The following ADGRL4 variants were observed in gnomAD, a reference collection of about 807,000 sequenced individuals.
The protein encoded by ADGRL4 is adhesion G protein-coupled receptor L4, also known as EGF, latrophilin and seven transmembrane domain containing 1.
In ADGRL4, 90 loss-of-function variants were observed where a neutral mutation model predicts 74.8. The observed-to-expected ratio is 1.20, with a 90% CI of 1.02 to 1.43. ADGRL4 has a LOEUF of 1.43. ADGRL4 is among the 40% of genes most tolerant of loss of function. ADGRL4 has a pLI of 0.00. For missense variants in ADGRL4, 881 were observed against 814.3 expected, an observed-to-expected ratio of 1.08 and a Z score of -1.00; for synonymous variants, 311 against 279.2, an observed-to-expected ratio of 1.11 and a Z score of -1.14.
At chr1:78,929,795 A>T (rs998227938) in intron 7 of ADGRL4, among the ~76,000 whole-genome samples, 1 of 151,506 alleles carries the variant, frequency 6.6e-6, no homozygotes, top group East Asian at 1.9e-4. Context: ...GGATCATTAA[A>T]TATAACAAAG....
chr1:78,925,366 A>G (rs970557609), intron 8 of ADGRL4, among the ~76,000 whole-genome samples: 1 of 152,058 alleles, frequency 6.6e-6, no homozygotes, highest in African/African-American at 2.4e-5. Context: ...AAGTAAAAAA[A>G]CTTAGAATAC....
intron 1 of ADGRL4, 52 bp from the exon 2 acceptor site, chr1:79,005,271 C>T (rs1440031759): frequency 7.4e-7 from 1 of 1,359,824 alleles, no homozygotes; most frequent in East Asian, 2.5e-5. Context: ...AAACATCTCT[C>T]CCCATTGTTG....
rs555256647 is a variant in ADGRL4, at chr1:78,918,365, G to C, written c.1462-315C>G. ...ATTCTCATGTAAACCATGGTATCTT[G>C]GTGAATATGTTAGGATTTAAGTTGA... On this transcript the variant is annotated intron_variant, in intron 10 of 14. Coordinates refer to ENST00000370742, the MANE Select transcript of ADGRL4 (RefSeq NM_022159.4). Among the ~76,000 whole-genome samples, 3 of 151,864 alleles carry C rather than the reference G, an allele frequency of 2.0e-5. 1 individual carries two copies. Among genetic ancestry groups the C allele is most frequent in the Admixed American group, 6.6e-5 (1 of 15,208 alleles).
chr1:78,906,977 C>G (rs923761876), intron 12 of ADGRL4, among the ~76,000 whole-genome samples: 1 of 151,922 alleles, frequency 6.6e-6, no homozygotes, highest in Non-Finnish European at 1.5e-5. Flanking sequence ...ATCTCTGTAT[C>G]TGGAGTAGAT....
intron 2 of ADGRL4, among the ~76,000 whole-genome samples, chr1:78,993,818 C>T (rs1650662606): frequency 6.6e-6 from 1 of 152,120 alleles, no homozygotes; most frequent in African/African-American, 2.4e-5. Context: ...CGTGATCCGT[C>T]CGCCTTGGCC....
chr1:78,998,253 CTT>C (rs769714342), intron 2 of ADGRL4, among the ~76,000 whole-genome samples: 3 of 94,108 alleles, frequency 3.2e-5, no homozygotes, highest in Non-Finnish European at 4.3e-5. Flanking sequence ...GATTTCATTG[CTT>C]TTTTTTTTTT....
intron 12 of ADGRL4, among the ~76,000 whole-genome samples, chr1:78,898,187 T>C (rs532315998): frequency 6.6e-6 from 1 of 152,256 alleles, no homozygotes; most frequent in African/African-American, 2.4e-5. Flanking sequence ...GGTGATGACT[T>C]GGAGGAAAGA....
At chr1:78,905,975 C>G (rs185386696) in intron 12 of ADGRL4, among the ~76,000 whole-genome samples, 14 of 151,864 alleles carry the variant, frequency 9.2e-5, no homozygotes, top group Admixed American at 7.9e-4. Flanking sequence ...CTCAAATTAT[C>G]CAAATATAAT....
intron 2 of ADGRL4, among the ~76,000 whole-genome samples, chr1:78,947,677 G>C (rs750677031): frequency 6.6e-6 from 1 of 152,064 alleles, no homozygotes; most frequent in Non-Finnish European, 1.5e-5. Flanking sequence ...GAGAGAAAGA[G>C]AAGAAGAAAG....
At chr1:78,989,160 A>G (rs1397980134) in intron 2 of ADGRL4, among the ~76,000 whole-genome samples, 2 of 151,810 alleles carry the variant, frequency 1.3e-5, no homozygotes, top group African/African-American at 4.8e-5. Context: ...AGATATTAAT[A>G]TATTTGTTTC....
In ADGRL4 at chr1:78,937,977, G is replaced by A; in HGVS notation, c.590C>T (p.Thr197Ile). The change falls in exon 6 of 15, where the codon ACC becomes ATC. Residue 197 changes from threonine to isoleucine, a missense_variant. Coordinates refer to ENST00000370742, the MANE Select transcript of ADGRL4 (RefSeq NM_022159.4). ...ATCCCTTTGAACAAAATTATTCACGGTTTTTACAAATTCCTATTGAAAAAA... is the reference window on the plus strand; with the variant it reads ...ATCCCTTTGAACAAAATTATTCACGATTTTTACAAATTCCTATTGAAAAAA... ...SNSTLTEFVK[T>I]VNNFVQRDTF... 6.2e-7 allele frequency: 1 copy of A among 1,609,606 alleles called. No individual in the cohort carries two copies. The highest frequency in any genetic ancestry group is 8.5e-7 in the Non-Finnish European group (1 of 1,178,834).
intron 3 of ADGRL4, among the ~76,000 whole-genome samples, chr1:78,945,177 A>AAATATATATAT (rs376405445): frequency 2.3e-5 from 3 of 127,924 alleles, no homozygotes; most frequent in African/African-American, 8.8e-5. Context: ...AAAAAAAAAA[A>AAATATATATAT]ATATATATAT....
chr1:78,892,056 ATATATCTGTTAGGAAGTATTT>A (rs1156332577), intron 13 of ADGRL4, among the ~76,000 whole-genome samples: 74 of 152,274 alleles, frequency 4.9e-4, no homozygotes, highest in Middle Eastern at 6.8e-3. Flanking sequence ...AAGGTAAGAC[ATATATCTGTTAGGAAGTATTT>A]TCCCTAAGAA....
In ADGRL4 at chr1:78,963,977, G is replaced by A. The variant is rs193166791; in HGVS notation, c.173-17551C>T. On this transcript the variant is annotated intron_variant, in intron 2 of 14. Coordinates refer to ENST00000370742, the MANE Select transcript of ADGRL4 (RefSeq NM_022159.4). Reference sequence around the variant, plus strand: ...TAATTGCCTAAAGGGTCAGTTAGAAGTTGCTTTCCTCTATCAGTTTTGCAG... The same window carrying A: ...TAATTGCCTAAAGGGTCAGTTAGAAATTGCTTTCCTCTATCAGTTTTGCAG... 3.3e-5 allele frequency among the ~76,000 whole-genome samples: 5 copies of A among 152,276 alleles called. No homozygotes were observed. The East Asian group carries it at 9.6e-4, about 29-fold the overall frequency.
Position 78,917,627 on chromosome 1 carries a change from T to G in ADGRL4, c.1749+7A>C, listed in dbSNP as rs540293735. 1 of 1,571,912 alleles carries G rather than the reference T, an allele frequency of 6.4e-7. No individual in the cohort carries two copies. Among genetic ancestry groups the G allele is most frequent in the East Asian group, 2.3e-5 (1 of 44,270 alleles). Reference sequence around the variant, plus strand: ...TGAATTGTAATAACAATTTTATATATACATACAAGAATGATTAGGCATGCT... The same window carrying G: ...TGAATTGTAATAACAATTTTATATAGACATACAAGAATGATTAGGCATGCT... On this transcript the variant is annotated splice_region_variant and intron_variant, in intron 12 of 14. Transcript: ENST00000370742.
chr1:78,915,416 C>G (rs1183447403), intron 12 of ADGRL4, among the ~76,000 whole-genome samples: 2 of 151,900 alleles, frequency 1.3e-5, no homozygotes, highest in Non-Finnish European at 2.9e-5. Context: ...TAATTTTACT[C>G]TTACTATTTT....
intron 12 of ADGRL4, among the ~76,000 whole-genome samples, chr1:78,912,414 G>T (rs1392775276): frequency 6.6e-6 from 1 of 151,752 alleles, no homozygotes; most frequent in Non-Finnish European, 1.5e-5. Context: ...CCCAGGCCAT[G>T]AACCAGTACT....
In ADGRL4 at chr1:78,998,730, A is replaced by G. The variant is rs750625678; in HGVS notation, c.172+6340T>C. ...TGATAATGTAGCAGGGAAAAGGCAG[A>G]TGGGTGTAGGGTAGAACCAAAATAA... On this transcript the variant is annotated intron_variant, in intron 2 of 14. Transcript: ENST00000370742. Among the ~76,000 whole-genome samples, 4 of 152,316 alleles carry G rather than the reference A, an allele frequency of 2.6e-5. No individual in the cohort carries two copies. The East Asian group carries it at 5.8e-4, about 22-fold the overall frequency.
chr1:78,990,925 C>T (rs1650596035), intron 2 of ADGRL4, among the ~76,000 whole-genome samples: 2 of 151,960 alleles, frequency 1.3e-5, no homozygotes, highest in African/African-American at 4.8e-5. Context: ...AAAGGATATA[C>T]AACTCTCTTA....
Sources: gnomAD v4.1 joint callset for allele counts (sites outside exome capture counted in the v4.1 genomes callset) on GRCh38, gnomAD v4.1.1 for gene constraint, MANE v1.5 for transcripts, NCBI Gene and HGNC (gene_info 2026-07-23, HGNC 2026-07-21) for gene names.